Variants in PARL observed in about 807,000 individuals in gnomAD.
PARL encodes the protein presenilin associated rhomboid like, also known as presenilin-associated rhomboid-like protein, mitochondrial.
In PARL, 44 loss-of-function variants were observed where a neutral mutation model predicts 51.6. The observed-to-expected ratio is 0.85, with a 90% CI of 0.67 to 1.10. The LOEUF is 1.10. Ranked by LOEUF, PARL falls within the 50% of genes least tolerant of loss-of-function variation. The pLI is 0.00. For missense variants in PARL, 441 were observed against 469.5 expected, an observed-to-expected ratio of 0.94 and a Z score of 0.56; for synonymous variants, 172 against 164.0, an observed-to-expected ratio of 1.05 and a Z score of -0.37.
intron 3 of PARL, among the ~76,000 whole-genome samples, chr3:183,864,173 T>TA (rs1286311365): frequency 6.6e-6 from 1 of 152,192 alleles, no homozygotes; most frequent in African/African-American, 2.4e-5. Context: ...AAAGCCTCTC[T>TA]AACACAGATA....
chr3:183,841,149 G>A, intron 6 of PARL, among the ~76,000 whole-genome samples: 1 of 152,244 alleles, frequency 6.6e-6, no homozygotes, highest in East Asian at 1.9e-4. Context: ...GAATATCTGG[G>A]GTGGGACAAC....
chr3:183,871,704 C>T (rs1733236464), intron 1 of PARL, among the ~76,000 whole-genome samples: 1 of 151,918 alleles, frequency 6.6e-6, no homozygotes, highest in Non-Finnish European at 1.5e-5. Flanking sequence ...ATTAGATGAG[C>T]GATTGCCTGG....
chr3:183,884,656 C>T (rs1734920321), intron 1 of PARL, 66 bp downstream of exon 1: 1 of 1,521,294 alleles, frequency 6.6e-7, no homozygotes, highest in African/African-American at 1.4e-5. Flanking sequence ...GGCCTCCGCC[C>T]CCGAGGATAC....
rs1285055541 is a variant in PARL, at chr3:183,871,316, T to C, written c.126-3256A>G. ...TGGTACTATATTCAAAGTAAGGTGG[T>C]ACTATTCAATAAGATAAGGAAAATT... On this transcript the variant is annotated intron_variant, in intron 1 of 9. Transcript: ENST00000317096. Among the ~76,000 whole-genome samples the C allele has an allele frequency of 2.0e-5, 3 of 152,064 alleles. No individual in the cohort carries two copies. In the East Asian group the frequency reaches 5.8e-4, roughly 29 times the overall value.
intron 9 of PARL, among the ~76,000 whole-genome samples, chr3:183,830,923 A>C (rs946214355): frequency 6.6e-6 from 1 of 152,186 alleles, no homozygotes; most frequent in Non-Finnish European, 1.5e-5. Context: ...AATTATAAAA[A>C]TTCTCCCCAA....
intron 4 of PARL, among the ~76,000 whole-genome samples, chr3:183,848,366 C>T (rs11719956): frequency 0.06 from 9,184 of 152,240 alleles, 287 homozygotes; most frequent in African/African-American, 0.083. Context: ...CTCAGCCTCC[C>T]GAGTAGCTGG....
At chr3:183,881,867 T>C (rs752229900) in intron 1 of PARL, among the ~76,000 whole-genome samples, 8 of 152,124 alleles carry the variant, frequency 5.3e-5, no homozygotes, top group Non-Finnish European at 1.0e-4. Context: ...TAAAACAAAA[T>C]ATAATATATA....
chr3:183,847,543 G>A (rs527479370), intron 4 of PARL, among the ~76,000 whole-genome samples: 4 of 151,992 alleles, frequency 2.6e-5, no homozygotes, highest in Admixed American at 6.6e-5. Context: ...CAGTCTGGGC[G>A]ACAGAGGGAG....
chr3:183,865,321 T>A (rs531107835), intron 3 of PARL, among the ~76,000 whole-genome samples: 100 of 152,014 alleles, frequency 6.6e-4, no homozygotes, highest in African/African-American at 2.2e-3. Context: ...GAAAAAAAAA[T>A]CACTTGCTAG....
At chr3:183,839,683 T>TGCTG (rs1337163306) in intron 7 of PARL, among the ~76,000 whole-genome samples, 1 of 152,002 alleles carries the variant, frequency 6.6e-6, no homozygotes, top group African/African-American at 2.4e-5. Flanking sequence ...CCTCCCAAAG[T>TGCTG]GCTGGGATTA....
At chr3:183,859,894 C>A (rs1290254260) in intron 4 of PARL, among the ~76,000 whole-genome samples, 2 of 152,150 alleles carry the variant, frequency 1.3e-5, no homozygotes, top group African/African-American at 4.8e-5. Context: ...GGAATACTTA[C>A]ATGAAGTGTT....
At chr3:183,860,593 G>A (rs897158706) in intron 4 of PARL, among the ~76,000 whole-genome samples, 1 of 152,114 alleles carries the variant, frequency 6.6e-6, no homozygotes, top group Non-Finnish European at 1.5e-5. Flanking sequence ...AAAAAGACTA[G>A]GGGGAAAGAA....
intron 1 of PARL, chr3:183,883,604 G>T (rs986093296): frequency 1.0e-6 from 1 of 985,094 alleles, no homozygotes; most frequent in African/African-American, 1.7e-5. Flanking sequence ...CTTAAACCAT[G>T]CAATCTCAAA....
At chr3:183,852,395 CA>C (rs1730647332) in intron 4 of PARL, among the ~76,000 whole-genome samples, 1 of 150,860 alleles carries the variant, frequency 6.6e-6, no homozygotes, top group Admixed American at 6.6e-5. Context: ...GAAGCTGGAC[CA>C]AAAAGAAAAA....
At chr3:183,832,702 C>G (rs559927799) in intron 9 of PARL, among the ~76,000 whole-genome samples, 1 of 152,162 alleles carries the variant, frequency 6.6e-6, no homozygotes, top group Admixed American at 6.5e-5. Flanking sequence ...ACCGTGTTTC[C>G]GTGATACAGT....
At position 183,839,050 on chromosome 3, in the gene PARL, C is replaced by A. The variant is rs147795263; in HGVS notation, c.828+1520G>T. Among the ~76,000 whole-genome samples the A allele has an allele frequency of 3.3e-5, 5 of 152,024 alleles. No homozygotes were observed. In the East Asian group the frequency reaches 9.7e-4, roughly 29 times the overall value. On this transcript the variant is annotated intron_variant, in intron 7 of 9. Coordinates refer to ENST00000317096, the MANE Select transcript of PARL (RefSeq NM_018622.7). ...GTTGAATGAGGTAGACAATATGATT[C>A]GAAATATATAAATTATATCAGAGCG...
intron 2 of PARL, among the ~76,000 whole-genome samples, chr3:183,867,077 C>T (rs1204562408): frequency 1.3e-5 from 2 of 152,016 alleles, no homozygotes; most frequent in Non-Finnish European, 2.9e-5. Flanking sequence ...CCAGGCCCGG[C>T]TAATTTTTGT....
chr3:183,830,539 G>C (rs1727817079), intron 9 of PARL, among the ~76,000 whole-genome samples: 1 of 152,202 alleles, frequency 6.6e-6, no homozygotes, highest in South Asian at 2.1e-4. Flanking sequence ...TGGATTTCCA[G>C]GGGCAGTTAG....
Position 183,840,642 on chromosome 3 carries a change from T to C in PARL, c.758-2A>G. On this transcript the variant is annotated splice_acceptor_variant, in intron 6 of 9. Coordinates refer to ENST00000317096, the MANE Select transcript of PARL (RefSeq NM_018622.7). LOFTEE classifies it high-confidence loss of function. ...AACTGACAAAATTGGAAATAACACC[T>C]GAAAAACAAGTCACATTACAATAAT... is the stretch of plus-strand genomic sequence containing the variant. 1.3e-6 allele frequency: 2 copies of C among 1,489,262 alleles called. No homozygotes were observed. Among genetic ancestry groups the C allele is most frequent in the Non-Finnish European group, 1.9e-6 (2 of 1,073,128 alleles). The allele number at this position is 1,489,262 out of a possible 1,614,324, so 92.3% of individuals were successfully genotyped here.
Sources: allele counts gnomAD v4.1 joint callset (sites outside exome capture counted in the v4.1 genomes callset), GRCh38; gene constraint gnomAD v4.1.1; transcripts MANE v1.5; gene names NCBI Gene and HGNC (gene_info 2026-07-23, HGNC 2026-07-21).